Variants in ZNF469 observed in about 807,000 individuals in gnomAD.
The protein encoded by ZNF469 is zinc finger protein 469.
ZNF469 carries 1 observed loss-of-function variant against 1.0 expected under a neutral mutation model. The observed-to-expected ratio is 1.00, with a 90% confidence interval of 0.35 to 4.73. ZNF469 has a LOEUF of 4.73. ZNF469 is among the 30% of genes most tolerant of loss of function. The probability of loss-of-function intolerance (pLI) is 0.16; values close to 1 mark genes in which losing one functional copy is unlikely to be tolerated. For synonymous variants in ZNF469, 2,703 were observed against 2,363.4 expected (o/e 1.14, Z -4.17); for missense variants, 6,100 against 5,356.3 (o/e 1.14, Z -4.33).
intron 1 of ZNF469, among the ~76,000 whole-genome samples, chr16:88,395,687 C>G (rs925846834): frequency 3.3e-5 from 5 of 152,098 alleles, no homozygotes; most frequent in African/African-American, 1.2e-4. Flanking sequence ...ATGCCTCACT[C>G]AGGGCTGTGT....
At chr16:88,349,804 C>G in the ZNF469 span, among the ~76,000 whole-genome samples, 1 of 123,524 alleles carries the variant, frequency 8.1e-6, no homozygotes, top group Non-Finnish European at 1.8e-5. Context: ...AGGCACATTA[C>G]ACACATCACA....
At chr16:88,382,778 C>G (rs116833394), upstream of ZNF469, among the ~76,000 whole-genome samples, 1 of 152,276 alleles carries the variant, frequency 6.6e-6, no homozygotes, top group East Asian at 1.9e-4. Context: ...GCCTGCCATT[C>G]TGGGGTGGGC....
the ZNF469 span, among the ~76,000 whole-genome samples, chr16:88,192,934 GTGA>G: frequency 6.6e-6 from 1 of 150,782 alleles, no homozygotes; most frequent in Non-Finnish European, 1.5e-5. Context: ...GATGGTGATA[GTGA>G]TGATGGTGAT....
chr16:88,141,516 C>G, the ZNF469 span, among the ~76,000 whole-genome samples: 28 of 134,862 alleles, frequency 2.1e-4, no homozygotes, highest in South Asian at 2.1e-3. Flanking sequence ...CCGTCCTGGT[C>G]CCCGGAGCCT....
At chr16:88,187,708 T>G in the ZNF469 span, among the ~76,000 whole-genome samples, 1 of 134,818 alleles carries the variant, frequency 7.4e-6, no homozygotes, top group Non-Finnish European at 1.5e-5. Flanking sequence ...AATTCCAGAT[T>G]GCCTGCATTT....
chr16:88,309,061 A>T, the ZNF469 span, among the ~76,000 whole-genome samples: 10 of 152,144 alleles, frequency 6.6e-5, no homozygotes, highest in East Asian at 1.9e-3. Context: ...CCACGTCCCG[A>T]CTGGACCTTC....
At chr16:88,191,494 T>C in the ZNF469 span, 1 of 149,884 alleles carries the variant, frequency 6.7e-6, no homozygotes. Flanking sequence ...AAAACATTTC[T>C]AATGTATTTA....
At chr16:88,368,537 G>A in the ZNF469 span, among the ~76,000 whole-genome samples, 1 of 152,320 alleles carries the variant, frequency 6.6e-6, no homozygotes, top group African/African-American at 2.4e-5. Flanking sequence ...TGGAGAGAAG[G>A]TGGTCTGGAG....
the ZNF469 span, among the ~76,000 whole-genome samples, chr16:88,332,825 G>C: frequency 5.2e-3 from 798 of 152,346 alleles, 5 homozygotes; most frequent in African/African-American, 0.018. Flanking sequence ...AGCCTCTGCA[G>C]CCAGCCTCCT....
the ZNF469 span, among the ~76,000 whole-genome samples, chr16:88,175,594 A>G: frequency 3.0e-4 from 45 of 152,190 alleles, no homozygotes; most frequent in African/African-American, 1.0e-3. Context: ...TAAATAACTC[A>G]TGTTTCAAAG....
chr16:88,405,149 A>T (rs1567502639), intron 1 of ZNF469, among the ~76,000 whole-genome samples: 1 of 152,166 alleles, frequency 6.6e-6, no homozygotes, highest in East Asian at 1.9e-4. Context: ...GGCAAGGAAC[A>T]GATGTCCACA....
the ZNF469 span, among the ~76,000 whole-genome samples, chr16:88,159,928 C>G: frequency 6.6e-6 from 1 of 152,152 alleles, no homozygotes; most frequent in Non-Finnish European, 1.5e-5. Context: ...GCTGCCTCCC[C>G]CGTCTGAACT....
At chr16:88,336,833 A>G in the ZNF469 span, among the ~76,000 whole-genome samples, 1 of 152,112 alleles carries the variant, frequency 6.6e-6, no homozygotes, top group Non-Finnish European at 1.5e-5. Context: ...TCATCCCCAA[A>G]ACAAACCCCA....
the ZNF469 span, among the ~76,000 whole-genome samples, chr16:88,260,529 C>T: frequency 6.6e-6 from 1 of 152,190 alleles, no homozygotes; most frequent in Non-Finnish European, 1.5e-5. This position sits in a 1 kb window ranked among gnomAD's most constrained non-coding sequence, Gnocchi z 4.1. Context: ...GAGGACGCCG[C>T]TCTCACAAAT....
the ZNF469 span, among the ~76,000 whole-genome samples, chr16:88,274,495 G>T: frequency 1.3e-5 from 2 of 152,358 alleles, no homozygotes; most frequent in South Asian, 4.1e-4. Context: ...TGGTGTGACC[G>T]CACCAATAGA....
chr16:88,353,470 C>A, the ZNF469 span, among the ~76,000 whole-genome samples: 94 of 152,328 alleles, frequency 6.2e-4, no homozygotes, highest in African/African-American at 2.0e-3. Context: ...CCCCTTCACG[C>A]TGTACAGAGC....
chr16:88,431,817 C>T lies in ZNF469; in HGVS notation c.4347C>T (p.Thr1449=), dbSNP rs573889729. 5.2e-6 allele frequency: 8 copies of T among 1,549,774 alleles called. No individual in the cohort carries two copies. The Admixed American group carries it at 5.9e-5, about 11-fold the overall frequency. ...TEPGRAASPP[T]LESSSLFPDL... is the part of the protein sequence containing the mutation. ...CAGGCAGGGCTGCATCGCCACCGAC[C>T]TTGGAGTCCTCATCCCTCTTCCCAG... The change falls in exon 3 of 3, where the codon ACC becomes ACT. Residue 1449 remains threonine, a synonymous_variant. Transcript: ENST00000565624.
At chr16:88,222,393 A>G in the ZNF469 span, among the ~76,000 whole-genome samples, 2 of 152,152 alleles carry the variant, frequency 1.3e-5, no homozygotes, top group Non-Finnish European at 2.9e-5. Context: ...GGCTCAAGTG[A>G]TCCTCTTGCC....
chr16:88,395,922 C>T (rs1904645629), intron 1 of ZNF469, among the ~76,000 whole-genome samples: 2 of 152,254 alleles, frequency 1.3e-5, no homozygotes, highest in Non-Finnish European at 2.9e-5. Flanking sequence ...CCCGAGGGTC[C>T]TGACCCTGGG....
Sources: allele counts gnomAD v4.1 joint callset (sites outside exome capture counted in the v4.1 genomes callset), GRCh38; gene constraint gnomAD v4.1.1; non-coding constraint Gnocchi (gnomAD v3.1); transcripts MANE v1.5; gene names NCBI Gene and HGNC (gene_info 2026-07-23, HGNC 2026-07-21).